Variants in UHRF1 observed in about 807,000 individuals in gnomAD.
UHRF1 encodes ubiquitin like with PHD and ring finger domains 1.
UHRF1 carries 9 observed loss-of-function variants against 96.5 expected under a neutral mutation model. That is an observed-to-expected ratio of 0.09 (90% CI 0.06 to 0.16). The LOEUF is 0.16. UHRF1 is among the 10% of genes least tolerant of loss of function. The pLI, the probability that UHRF1 is intolerant of heterozygous loss-of-function variation, is 1.00. For missense variants in UHRF1, 626 were observed against 1,131.1 expected, an observed-to-expected ratio of 0.55 and a Z score of 6.40; for synonymous variants, 455 against 469.9, an observed-to-expected ratio of 0.97 and a Z score of 0.41.
intron 16 of UHRF1, among the ~76,000 whole-genome samples, chr19:4,959,922 G>A (rs2033947622): frequency 6.6e-6 from 1 of 152,166 alleles, no homozygotes; most frequent in South Asian, 2.1e-4. Context: ...GTGCAATGGC[G>A]TGATCTCAGC....
upstream of UHRF1, among the ~76,000 whole-genome samples, chr19:4,906,039 C>T (rs1193687710): frequency 6.6e-6 from 1 of 152,188 alleles, no homozygotes; most frequent in Non-Finnish European, 1.5e-5. Flanking sequence ...TGCAGTGGCG[C>T]AAGCATGGCT....
intron 1 of UHRF1, among the ~76,000 whole-genome samples, chr19:4,904,179 G>GT (rs1332151693): frequency 6.7e-6 from 1 of 149,398 alleles, no homozygotes; most frequent in African/African-American, 2.5e-5. Flanking sequence ...TTTTGTTTTT[G>GT]TTTTTGTTTT....
At chr19:4,924,182 C>G (rs571644821) in intron 2 of UHRF1, among the ~76,000 whole-genome samples, 6 of 151,998 alleles carry the variant, frequency 3.9e-5, no homozygotes, top group Non-Finnish European at 8.8e-5. Flanking sequence ...CGGAGTCTCG[C>G]TCTGTCGCCC....
At chr19:4,923,003 G>A (rs1397866525) in intron 2 of UHRF1, among the ~76,000 whole-genome samples, 1 of 152,220 alleles carries the variant, frequency 6.6e-6, no homozygotes, top group African/African-American at 2.4e-5. Flanking sequence ...GATGAGAGGG[G>A]ATGGGCTGGG....
chr19:4,924,731 A>G (rs2032813222), intron 2 of UHRF1, among the ~76,000 whole-genome samples: 1 of 151,874 alleles, frequency 6.6e-6, no homozygotes, highest in South Asian at 2.1e-4. Context: ...AGAGCGGTGC[A>G]TCGGTTACAG....
chr19:4,960,636 C>A, intron 16 of UHRF1, 21 bp from the exon 17 acceptor site: 1 of 1,610,606 alleles, frequency 6.2e-7, no homozygotes, highest in Non-Finnish European at 8.5e-7. Flanking sequence ...GCACTTCTCA[C>A]GCGCCTGCTG....
rs1234017861 is a variant in UHRF1 at position 4,944,184 on chromosome 19, C to G, written c.1126C>G (p.Arg376Gly). The change falls in exon 8 of 17, where the codon CGG (arginine) becomes GGG (glycine). Residue 376 changes from arginine to glycine, a missense_variant. By Grantham distance (125) the Arg-to-Gly change is moderately radical. This residue lies in a region of UHRF1 where 69 missense variants were observed against 159.8 expected (regional missense o/e 0.43). Transcript: ENST00000650932. ...CAGCGAGGTGGTACTGGCGGGAGAG[C>G]GGCTGAGAGAGAGCAAGAAGAAGGC... Reference protein sequence around the residue: ...DASEVVLAGERLRESKKKAKM... With the variant: ...DASEVVLAGEGLRESKKKAKM... 10 of 1,613,112 alleles carry G rather than the reference C, an allele frequency of 6.2e-6. No homozygotes were observed. The highest frequency in any genetic ancestry group is 8.5e-6 in the Non-Finnish European group (10 of 1,179,594).
chr19:4,958,108 G>A (rs1188418653), intron 16 of UHRF1, among the ~76,000 whole-genome samples: 4 of 152,214 alleles, frequency 2.6e-5, no homozygotes, highest in Non-Finnish European at 4.4e-5. Context: ...TCCCAGTCAT[G>A]CCCATGGCAT....
intron 5 of UHRF1, among the ~76,000 whole-genome samples, chr19:4,935,576 C>A (rs530587486): frequency 6.6e-6 from 1 of 151,590 alleles, no homozygotes; most frequent in Non-Finnish European, 1.5e-5. Context: ...TTCTTGGAGG[C>A]CGCCTGCAGT....
At position 4,950,900 on chromosome 19, in the gene UHRF1, C is replaced by A. The variant is rs753189382; in HGVS notation, c.1722C>A (p.Leu574=). 16 of 1,613,776 alleles carry A rather than the reference C, an allele frequency of 9.9e-6. No individual in the cohort carries two copies. The highest frequency in any genetic ancestry group is 1.7e-5 in the Admixed American group (1 of 60,002). Reference sequence around the variant, plus strand: ...CCGAGAAGGGGAAGTCCGGGTTTCTCGTGTGGCGCTACCTTCTGCGGAGGG... The same window carrying A: ...CCGAGAAGGGGAAGTCCGGGTTTCTAGTGTGGCGCTACCTTCTGCGGAGGG... ...YWPEKGKSGF[L]VWRYLLRRDD... The change falls in exon 13 of 17, where the codon CTC becomes CTA. Residue 574 remains leucine, a synonymous_variant. Coordinates refer to ENST00000650932, the MANE Select transcript of UHRF1 (RefSeq NM_001048201.3).
In UHRF1 at chr19:4,909,573, T is replaced by C. The variant is rs2032164979; in HGVS notation, c.-93T>C. ...GGGTCGCACGCAAGTCCGCGCGGGG[T>C]CCGGGCCACGCACGCGGTTTCATCG... On this transcript the variant is annotated 5_prime_UTR_variant, in exon 1 of 17. Transcript: ENST00000650932. The C allele has an allele frequency of 1.5e-6, 1 of 655,432 alleles. No homozygotes were observed. The highest frequency in any genetic ancestry group is 2.7e-6 in the Non-Finnish European group (1 of 364,838). The allele number at this position is 655,432 out of a possible 1,614,324, so 40.6% of individuals were successfully genotyped here. A position where few individuals can be genotyped will look rare whatever the true frequency, so the allele number is the denominator to read the frequency against.
chr19:4,947,158 C>G lies in UHRF1; in HGVS notation c.1464C>G (p.Gly488=). 13 of 1,613,724 alleles carry G rather than the reference C, an allele frequency of 8.1e-6. No homozygotes were observed. The highest frequency in any genetic ancestry group is 1.1e-5 in the Non-Finnish European group (13 of 1,179,834). Residue 488 remains glycine (G), a synonymous_variant, in exon 11 of 17, where the codon GGC becomes GGG. Coordinates refer to ENST00000650932, the MANE Select transcript of UHRF1 (RefSeq NM_001048201.3). ...YTGSGGRDLS[G]NKRTAEQSCD... ...GTAGTGGTGGTCGAGATCTTTCCGG[C>G]AACAAGAGGACCGCGGAACAGTCTT...
intron 5 of UHRF1, among the ~76,000 whole-genome samples, chr19:4,939,062 C>T (rs1221930911): frequency 6.7e-6 from 1 of 150,090 alleles, no homozygotes; most frequent in Non-Finnish European, 1.5e-5. Context: ...TACAGGCGTG[C>T]TCCACTGCAC....
intron 2 of UHRF1, among the ~76,000 whole-genome samples, chr19:4,919,500 C>G (rs1364865090): frequency 6.6e-6 from 1 of 151,926 alleles, no homozygotes; most frequent in Admixed American, 6.6e-5. Flanking sequence ...GATGGAGTTT[C>G]ACTGTGTTAG....
At position 4,929,073 on chromosome 19, in the gene UHRF1, A is replaced by G. The variant is rs951478887; in HGVS notation, c.154-149A>G. Reference sequence around the variant, plus strand: ...CTTGTGAGCGGGACAGCCCCCTGGCATGGCCCAGGTATCATGGCTCTTTAC... The same window carrying G: ...CTTGTGAGCGGGACAGCCCCCTGGCGTGGCCCAGGTATCATGGCTCTTTAC... On this transcript the variant is annotated intron_variant, in intron 2 of 16. Coordinates refer to ENST00000650932, the MANE Select transcript of UHRF1 (RefSeq NM_001048201.3). 20 of 1,143,188 alleles carry G rather than the reference A, an allele frequency of 1.7e-5. No individual in the cohort carries two copies. The African/African-American group carries it at 3.1e-4, about 18-fold the overall frequency. 70.8% of individuals were successfully genotyped at this position (1,143,188 alleles called of 1,614,324 possible).
chr19:4,950,578 C>A, intron 11 of UHRF1, 33 bp from the exon 12 acceptor site: 1 of 1,601,860 alleles, frequency 6.2e-7, no homozygotes, highest in South Asian at 1.1e-5. Flanking sequence ...ACATCCTCAC[C>A]TATAATGCGT....
At chr19:4,947,490 C>CTTTTTTTTTTTTTTTTTTTTTTTTTTTT (rs985069179) in intron 11 of UHRF1, among the ~76,000 whole-genome samples, 1 of 57,860 alleles carries the variant, frequency 1.7e-5, no homozygotes, top group Non-Finnish European at 3.1e-5. Flanking sequence ...TAATAGATAT[C>CTTTTTTTTTTTTTTTTTTTTTTTTTTTT]TTTTTTTTTT....
At chr19:4,934,444 C>T (rs1024202743) in intron 5 of UHRF1, among the ~76,000 whole-genome samples, 3 of 152,178 alleles carry the variant, frequency 2.0e-5, no homozygotes, top group Non-Finnish European at 2.9e-5. Flanking sequence ...AACTGAAACT[C>T]TGACTCCATG....
intron 4 of UHRF1, 75 bp from the exon 5 acceptor site, chr19:4,932,666 A>G (rs1191706660): frequency 6.5e-7 from 1 of 1,540,696 alleles, no homozygotes. Flanking sequence ...GGGCCGTCCC[A>G]CCTCGGCTCG....
Sources: gnomAD v4.1 joint callset for allele counts (sites outside exome capture counted in the v4.1 genomes callset) on GRCh38, gnomAD v4.1.1 for gene constraint, gnomAD v4.1.1 regional missense constraint, MANE v1.5 for transcripts, NCBI Gene and HGNC (gene_info 2026-07-23, HGNC 2026-07-21) for gene names.